Variants in LRRIQ1 observed in about 807,000 individuals in gnomAD.
LRRIQ1 encodes the protein leucine-rich repeat- and IQ domain-containing protein 1.
LRRIQ1 carries 210 observed loss-of-function variants against 211.9 expected under a neutral mutation model. That is an observed-to-expected ratio of 0.99 (90% CI 0.89 to 1.11). LRRIQ1 has a LOEUF of 1.11. Ranked by LOEUF, LRRIQ1 falls within the 50% of genes most tolerant of loss-of-function variation. LRRIQ1 has a pLI of 0.00. For missense variants in LRRIQ1, 2,136 were observed against 1,939.5 expected (o/e 1.10, Z -1.90); for synonymous variants, 699 against 650.1 (o/e 1.08, Z -1.14).
intron 24 of LRRIQ1, among the ~76,000 whole-genome samples, chr12:85,193,301 A>C (rs935657971): frequency 8.6e-6 from 1 of 116,952 alleles, no homozygotes; most frequent in Non-Finnish European, 1.7e-5. Context: ...GCCAACGTTC[A>C]GATTCAGGAA....
At chr12:85,242,901 G>A (rs1163965318) in intron 26 of LRRIQ1, among the ~76,000 whole-genome samples, 1 of 151,800 alleles carries the variant, frequency 6.6e-6, no homozygotes, top group Non-Finnish European at 1.5e-5. Flanking sequence ...ATCTTTGGAT[G>A]TTAATTACTT....
chr12:85,269,833 T>C, the LRRIQ1 span, among the ~76,000 whole-genome samples: 2 of 152,044 alleles, frequency 1.3e-5, no homozygotes, highest in African/African-American at 4.8e-5. Context: ...CAGAATACCA[T>C]AGACTTGATG....
At position 85,152,270 on chromosome 12, in the gene LRRIQ1, A is replaced by G; in HGVS notation, c.4330-10A>G. ...GCTAAATTACATACATTTTAATATT[A>G]TTTGTGCAGGCTGCCTTAGAAGAAG... On this transcript the variant is annotated splice_polypyrimidine_tract_variant and intron_variant, in intron 19 of 26. Transcript: ENST00000393217. 1 of 1,599,342 alleles carries G rather than the reference A, an allele frequency of 6.3e-7. No individual in the cohort carries two copies. The highest frequency in any genetic ancestry group is 8.5e-7 in the Non-Finnish European group (1 of 1,172,394).
chr12:85,076,217 TC>T lies in LRRIQ1; in HGVS notation c.2887+3120del, dbSNP rs1321689981. On this transcript the variant is annotated intron_variant, in intron 11 of 26. Transcript: ENST00000393217. ...TAGCAATAAACAAAATAAATGATTA[TC>T]TTGACTTTTTCCACACAAAACAAAC... Among the ~76,000 whole-genome samples the T allele has an allele frequency of 2.6e-5, 4 of 152,066 alleles. No individual in the cohort carries two copies. The South Asian group carries it at 8.3e-4, about 32-fold the overall frequency.
intron 24 of LRRIQ1, among the ~76,000 whole-genome samples, chr12:85,170,162 A>G (rs1018811561): frequency 1.3e-5 from 2 of 151,792 alleles, no homozygotes; most frequent in African/African-American, 4.8e-5. Context: ...TTTTTAATCC[A>G]AATCAGTTAT....
chr12:85,197,444 A>G (rs1420965120), intron 24 of LRRIQ1, among the ~76,000 whole-genome samples: 5 of 150,808 alleles, frequency 3.3e-5, no homozygotes, highest in Non-Finnish European at 5.9e-5. Flanking sequence ...TCCAACAATG[A>G]TAGACTGGAT....
intron 10 of LRRIQ1, among the ~76,000 whole-genome samples, chr12:85,069,686 G>A (rs531189891): frequency 1.3e-4 from 20 of 152,062 alleles, no homozygotes; most frequent in Admixed American, 5.9e-4. Flanking sequence ...TTTCTCTGAT[G>A]GCCAGTGATG....
downstream of LRRIQ1, among the ~76,000 whole-genome samples, chr12:85,265,247 T>C (rs973662262): frequency 6.6e-6 from 1 of 152,046 alleles, no homozygotes; most frequent in Admixed American, 6.6e-5. Flanking sequence ...AAGAGAAACA[T>C]AGTGATGTCC....
At chr12:85,043,509 T>A (rs1010781288) in intron 3 of LRRIQ1, among the ~76,000 whole-genome samples, 2 of 152,094 alleles carry the variant, frequency 1.3e-5, no homozygotes, top group African/African-American at 4.8e-5. Context: ...GGGCTTCTCA[T>A]GATCTTTTCT....
downstream of LRRIQ1, among the ~76,000 whole-genome samples, chr12:85,265,521 G>A (rs1351192382): frequency 6.6e-6 from 1 of 151,952 alleles, no homozygotes; most frequent in Non-Finnish European, 1.5e-5. Flanking sequence ...CCTAGATGGA[G>A]TTGTTCTGCT....
intron 11 of LRRIQ1, among the ~76,000 whole-genome samples, 169 bp from the exon 12 acceptor site, chr12:85,098,186 A>G (rs1416696958): frequency 1.3e-5 from 2 of 152,180 alleles, no homozygotes; most frequent in Non-Finnish European, 2.9e-5. Flanking sequence ...TTTAAATAAT[A>G]ACACAGTTTA....
At chr12:85,197,917 A>AT (rs1893025732) in intron 24 of LRRIQ1, among the ~76,000 whole-genome samples, 1 of 120,374 alleles carries the variant, frequency 8.3e-6, no homozygotes, top group Non-Finnish European at 1.6e-5. Flanking sequence ...ATATAATAAA[A>AT]ATATATATAA....
chr12:85,246,097 T>C (rs942905771), downstream of LRRIQ1, among the ~76,000 whole-genome samples: 2 of 151,238 alleles, frequency 1.3e-5, no homozygotes, highest in Non-Finnish European at 3.0e-5. Flanking sequence ...AATTTTAATT[T>C]ACTTTTGAAA....
At chr12:85,076,615 A>G (rs1336632698) in intron 11 of LRRIQ1, 1 of 731,292 alleles carries the variant, frequency 1.4e-6, no homozygotes, top group Non-Finnish European at 1.7e-6. Flanking sequence ...AGATATGGAA[A>G]TAATTTAACA....
chr12:85,189,070 A>G (rs1892366586), intron 24 of LRRIQ1, among the ~76,000 whole-genome samples: 2 of 152,268 alleles, frequency 1.3e-5, no homozygotes, highest in South Asian at 4.1e-4. Context: ...ACTTGATCGT[A>G]AGATTAAGTT....
intron 8 of LRRIQ1, among the ~76,000 whole-genome samples, chr12:85,062,567 T>C (rs563541633): frequency 6.8e-6 from 1 of 147,578 alleles, no homozygotes; most frequent in South Asian, 2.1e-4. Flanking sequence ...AGGCTATATA[T>C]GTACTACTTT....
downstream of LRRIQ1, among the ~76,000 whole-genome samples, chr12:85,266,733 T>A (rs1456815160): frequency 2.0e-5 from 3 of 152,130 alleles, no homozygotes; most frequent in African/African-American, 7.2e-5. Context: ...CAACTGCCAA[T>A]GTCTGCTGTA....
At chr12:85,243,313 T>TTATTA (rs1895551837) in intron 26 of LRRIQ1, among the ~76,000 whole-genome samples, 7 of 140,732 alleles carry the variant, frequency 5.0e-5, no homozygotes, top group African/African-American at 1.3e-4. Context: ...ATGTATAACT[T>TTATTA]TTATTATTAT....
At position 85,056,979 on chromosome 12, in the gene LRRIQ1, T is replaced by A; in HGVS notation, c.2186T>A (p.Val729Glu). ...APEPDSMTCC[V>E]SESTLLYSIE... ...GAACCTGATAGCATGACCTGCTGTG[T>A]ATCAGAGTCAACCCTTCTATATTCT... The change falls in exon 8 of 27, where the codon GTA becomes GAA. Residue 729 changes from valine (V) to glutamate (E), a missense_variant. By Grantham distance (121) the Val-to-Glu change is moderately radical. Coordinates refer to ENST00000393217, the MANE Select transcript of LRRIQ1 (RefSeq NM_001079910.2). 6.2e-7 allele frequency: 1 copy of A among 1,610,466 alleles called. No homozygotes were observed. The highest frequency in any genetic ancestry group is 8.5e-7 in the Non-Finnish European group (1 of 1,178,594).
Sources: allele counts gnomAD v4.1 joint callset (sites outside exome capture counted in the v4.1 genomes callset), GRCh38; gene constraint gnomAD v4.1.1; transcripts MANE v1.5; gene names NCBI Gene and HGNC (gene_info 2026-07-23, HGNC 2026-07-21).